SCD5: variants seen among roughly 807,000 people sequenced by gnomAD.
The protein encoded by SCD5 is acyl-CoA-desaturase 4.
Under a neutral mutation model 30.4 loss-of-function variants are expected in SCD5, and 20 were observed. The observed-to-expected ratio is 0.66, with a 90% CI of 0.46 to 0.96. The LOEUF (loss-of-function observed/expected upper bound fraction) is 0.96, where lower values mean the gene tolerates loss of function less well. Among genes scored for constraint, SCD5 ranks in the 40% least tolerant of loss-of-function variants. SCD5 has a pLI of 0.00. For synonymous variants in SCD5, 173 were observed against 176.4 expected (o/e 0.98, Z 0.16); for missense variants, 381 against 443.3 (o/e 0.86, Z 1.26).
intron 1 of SCD5, among the ~76,000 whole-genome samples, chr4:82,707,958 G>C (rs995093342): frequency 1.3e-5 from 2 of 152,188 alleles, no homozygotes; most frequent in African/African-American, 2.4e-5. Flanking sequence ...TGCAACAATA[G>C]ATAACTTGAA....
At chr4:82,650,387 C>T (rs1727726115) in intron 3 of SCD5, among the ~76,000 whole-genome samples, 2 of 152,164 alleles carry the variant, frequency 1.3e-5, no homozygotes, top group Non-Finnish European at 2.9e-5. Context: ...TCTCAGGACC[C>T]TTTTACATTA....
chr4:82,684,692 G>A (rs566437940), intron 2 of SCD5, among the ~76,000 whole-genome samples: 9 of 152,110 alleles, frequency 5.9e-5, no homozygotes, highest in African/African-American at 9.7e-5. Flanking sequence ...CTTGGGAGGC[G>A]GGGAGTGAAT....
chr4:82,690,443 C>T (rs1180877584), intron 2 of SCD5, among the ~76,000 whole-genome samples: 1 of 152,086 alleles, frequency 6.6e-6, no homozygotes, highest in Admixed American at 6.6e-5. Context: ...AAGCTAAAAA[C>T]AAAAATTTCA....
At chr4:82,727,809 G>T (rs980657642) in intron 1 of SCD5, among the ~76,000 whole-genome samples, 2 of 152,174 alleles carry the variant, frequency 1.3e-5, no homozygotes, top group African/African-American at 4.8e-5. Context: ...TTGGATTCAA[G>T]CGATTCTCAT....
chr4:82,719,383 G>A (rs2148831662), intron 1 of SCD5, among the ~76,000 whole-genome samples: 1 of 151,818 alleles, frequency 6.6e-6, no homozygotes, highest in East Asian at 1.9e-4. Context: ...TAGGCACAGT[G>A]CTCACAGCCC....
At chr4:82,753,746 T>C (rs1357152191) in intron 1 of SCD5, among the ~76,000 whole-genome samples, 1 of 152,056 alleles carries the variant, frequency 6.6e-6, no homozygotes, top group African/African-American at 2.4e-5. Flanking sequence ...CTTCCCCTTT[T>C]CCCCTGACTC....
At position 82,636,810 on chromosome 4, in the gene SCD5, A is replaced by G; in HGVS notation, c.583T>C (p.Ser195Pro). Residue 195 changes from serine (S) to proline (P), a missense_variant, in exon 4 of 5, where the codon TCC becomes CCC. Coordinates refer to ENST00000319540, the MANE Select transcript of SCD5 (RefSeq NM_001037582.3). ...ACCACAAAGCACATGAGCACCACGGAGATCTTATAGTACCTACAGGGCAAG... is the reference window on the plus strand; with the variant it reads ...ACCACAAAGCACATGAGCACCACGGGGATCTTATAGTACCTACAGGGCAAG... ...VRIQRKYYKI[S>P]VVLMCFVVPT... 6.2e-7 allele frequency: 1 copy of G among 1,612,510 alleles called. No homozygotes were observed. The highest frequency in any genetic ancestry group is 1.1e-5 in the South Asian group (1 of 90,806).
In SCD5 at chr4:82,785,452, C is replaced by T. The variant is rs145696264; in HGVS notation, c.232+12854G>A. On this transcript the variant is annotated intron_variant, in intron 1 of 4. Coordinates refer to ENST00000319540, the MANE Select transcript of SCD5 (RefSeq NM_001037582.3). Reference sequence around the variant, plus strand: ...TTTGCCTTCCCTCCAGACTCAAAGTCCTTTTCGTTTGTCCTGTCACTTCCT... The same window carrying T: ...TTTGCCTTCCCTCCAGACTCAAAGTTCTTTTCGTTTGTCCTGTCACTTCCT... Among the ~76,000 whole-genome samples, 902 of 152,302 alleles carry T rather than the reference C, an allele frequency of 5.9e-3. 6 individuals are homozygous for T. Among genetic ancestry groups the T allele is most frequent in the Middle Eastern group, 0.034 (10 of 294 alleles).
rs112043917 is a variant in SCD5, at chr4:82,686,819, A to T, written c.364-5907T>A. On this transcript the variant is annotated intron_variant, in intron 2 of 4. Transcript: ENST00000319540. ...AGTGTTGTATTAAAAACTAATTAAC[A>T]AAAAAAAGGCTATTGTAGTATTGAC... is the stretch of plus-strand genomic sequence containing the variant. Among the ~76,000 whole-genome samples, 4 of 844 alleles carry T rather than the reference A, an allele frequency of 4.7e-3. No individual in the cohort carries two copies. In the South Asian group the frequency reaches 0.17, roughly 35 times the overall value. The allele number at this position is 844 out of a possible 152,430, so 0.6% of individuals were successfully genotyped here.
At chr4:82,778,125 C>T (rs565520958) in intron 1 of SCD5, among the ~76,000 whole-genome samples, 1 of 152,212 alleles carries the variant, frequency 6.6e-6, no homozygotes, top group South Asian at 2.1e-4. Flanking sequence ...GAACAGAAAA[C>T]CAAACACCAC....
intron 1 of SCD5, among the ~76,000 whole-genome samples, chr4:82,757,820 C>G (rs1721265028): frequency 1.3e-5 from 2 of 152,188 alleles, no homozygotes; most frequent in Non-Finnish European, 2.9e-5. Flanking sequence ...CCTATATAAA[C>G]TTCAGGAAAA....
intron 3 of SCD5, among the ~76,000 whole-genome samples, chr4:82,652,744 C>T (rs1288983535): frequency 6.6e-6 from 1 of 152,136 alleles, no homozygotes; most frequent in Non-Finnish European, 1.5e-5. Flanking sequence ...CTTATTAGAA[C>T]TTTAAATTTT....
At chr4:82,734,439 G>A (rs765291768) in intron 1 of SCD5, among the ~76,000 whole-genome samples, 1 of 152,126 alleles carries the variant, frequency 6.6e-6, no homozygotes, top group Non-Finnish European at 1.5e-5. Context: ...ACGTATAATC[G>A]AGGAAATTTG....
intron 1 of SCD5, among the ~76,000 whole-genome samples, chr4:82,774,710 C>T (rs1721706946): frequency 6.6e-6 from 1 of 152,218 alleles, no homozygotes; most frequent in Non-Finnish European, 1.5e-5. Context: ...GAGGAATTTA[C>T]TGCCTGAAGA....
intron 2 of SCD5, chr4:82,698,112 A>AC (rs34805355): frequency 4.4e-6 from 2 of 456,234 alleles, no homozygotes; most frequent in African/African-American, 2.0e-5. Context: ...AACCAACAAC[A>AC]CCCACCCATC....
intron 1 of SCD5, among the ~76,000 whole-genome samples, chr4:82,744,482 G>A (rs1164273457): frequency 6.6e-6 from 1 of 152,144 alleles, no homozygotes; most frequent in Admixed American, 6.5e-5. Flanking sequence ...CCACGACCGT[G>A]GGAAGAGGTC....
intron 1 of SCD5, among the ~76,000 whole-genome samples, chr4:82,762,208 G>C (rs1396031200): frequency 2.1e-5 from 3 of 140,758 alleles, no homozygotes; most frequent in African/African-American, 5.3e-5. Context: ...GGAGGGGAGG[G>C]GGAGAGGAGG....
At chr4:82,761,712 C>CT (rs1721372225) in intron 1 of SCD5, among the ~76,000 whole-genome samples, 1 of 151,186 alleles carries the variant, frequency 6.6e-6, no homozygotes, top group Non-Finnish European at 1.5e-5. Flanking sequence ...GTATATCTCC[C>CT]GATGCTATCC....
chr4:82,712,299 T>TATATACATATATATATATACG (rs1560540883), intron 1 of SCD5, among the ~76,000 whole-genome samples: 1 of 32,040 alleles, frequency 3.1e-5, no homozygotes. Context: ...TATATATATT[T>TATATACATATATATATATACG]TATTTTTATT....
Sources: allele counts gnomAD v4.1 joint callset (sites outside exome capture counted in the v4.1 genomes callset), GRCh38; gene constraint gnomAD v4.1.1; transcripts MANE v1.5; gene names NCBI Gene and HGNC (gene_info 2026-07-23, HGNC 2026-07-21).